Variants in PRKCH observed in about 807,000 individuals in gnomAD.
The protein encoded by PRKCH is protein kinase C eta type.
PRKCH carries 28 observed loss-of-function variants against 82.5 expected under a neutral mutation model. The observed-to-expected ratio is 0.34, with a 90% CI of 0.25 to 0.47. The LOEUF (loss-of-function observed/expected upper bound fraction) is 0.47, where lower values mean the gene tolerates loss of function less well. Ranked by LOEUF, PRKCH falls within the 20% of genes least tolerant of loss-of-function variation. The pLI is 1.00. For missense variants in PRKCH, 705 were observed against 881.8 expected (o/e 0.80, Z 2.54); for synonymous variants, 322 against 327.4 (o/e 0.98, Z 0.18).
intron 10 of PRKCH, among the ~76,000 whole-genome samples, chr14:61,495,036 G>C (rs913388581): frequency 2.6e-5 from 4 of 152,208 alleles, no homozygotes; most frequent in Non-Finnish European, 2.9e-5. Context: ...AGTTTCTAAT[G>C]TTTAGGGGAA....
chr14:61,303,510 G>T (rs762994393), intron 1 of PRKCH: 1 of 152,098 alleles, frequency 6.6e-6, no homozygotes, highest in Non-Finnish European at 1.5e-5. Context: ...TCAATACCAG[G>T]TTTCTTAGAT....
chr14:61,528,848 C>T lies in PRKCH; in HGVS notation c.1434-227C>T, dbSNP rs193281054. Reference sequence around the variant, plus strand: ...CTGTGGTCAGCCCATTCTTAATGGGCGCATCATCTTGGAGCCATGAGGCAA... The same window carrying T: ...CTGTGGTCAGCCCATTCTTAATGGGTGCATCATCTTGGAGCCATGAGGCAA... On this transcript the variant is annotated intron_variant, in intron 10 of 13. Coordinates refer to ENST00000332981, the MANE Select transcript of PRKCH (RefSeq NM_006255.5). The T allele has an allele frequency of 9.2e-4, 330 of 359,318 alleles. 2 individuals carry two copies. Among genetic ancestry groups the T allele is most frequent in the African/African-American group, 6.5e-3 (306 of 47,100 alleles). 22.3% of individuals were successfully genotyped at this position (359,318 alleles called of 1,614,324 possible).
At chr14:61,191,641 G>A (rs2044407312) in intron 1 of PRKCH, among the ~76,000 whole-genome samples, 1 of 148,368 alleles carries the variant, frequency 6.7e-6, no homozygotes, top group African/African-American at 2.5e-5. Flanking sequence ...CCACTGCACT[G>A]CAGCCCTGTC....
intron 2 of PRKCH, among the ~76,000 whole-genome samples, chr14:61,414,223 G>C (rs1258585017): frequency 6.6e-6 from 1 of 151,632 alleles, no homozygotes; most frequent in East Asian, 1.9e-4. Flanking sequence ...CTGAGTTCCA[G>C]CTTCCTGTGT....
chr14:61,367,005 G>C (rs1298396770), intron 1 of PRKCH, among the ~76,000 whole-genome samples: 4 of 152,012 alleles, frequency 2.6e-5, no homozygotes, highest in Admixed American at 2.6e-4. Flanking sequence ...TCGATGAGTA[G>C]GAAAGTCTGT....
intron 10 of PRKCH, among the ~76,000 whole-genome samples, chr14:61,520,972 A>G (rs1797482499): frequency 1.3e-5 from 2 of 152,376 alleles, no homozygotes; most frequent in African/African-American, 4.8e-5. Flanking sequence ...AATTTAAAAC[A>G]ACCCAAATGT....
intron 1 of PRKCH, among the ~76,000 whole-genome samples, chr14:61,292,301 C>A (rs2045370118): frequency 6.7e-6 from 1 of 149,126 alleles, no homozygotes; most frequent in Admixed American, 6.7e-5. Flanking sequence ...CCTAGGAAAC[C>A]CTGTCTCTAC....
intron 1 of PRKCH, among the ~76,000 whole-genome samples, chr14:61,376,876 T>A (rs2046434076): frequency 6.6e-6 from 1 of 152,262 alleles, no homozygotes; most frequent in Non-Finnish European, 1.5e-5. Flanking sequence ...AGATACAATT[T>A]AATTAAACCA....
chr14:61,460,037 G>A (rs1472963491), intron 9 of PRKCH, among the ~76,000 whole-genome samples: 5 of 152,064 alleles, frequency 3.3e-5, no homozygotes, highest in African/African-American at 9.7e-5. Context: ...TGTAGAGATG[G>A]GGTTTTGCCA....
chr14:61,290,307 A>T (rs983722361), intron 1 of PRKCH, among the ~76,000 whole-genome samples: 1 of 152,246 alleles, frequency 6.6e-6, no homozygotes, highest in East Asian at 1.9e-4. Flanking sequence ...AAGAAAAAAA[A>T]AAAAGTAAGA....
chr14:61,291,984 G>A (rs138727350), intron 1 of PRKCH, among the ~76,000 whole-genome samples: 1 of 152,144 alleles, frequency 6.6e-6, no homozygotes, highest in African/African-American at 2.4e-5. Flanking sequence ...CTTTAATAAT[G>A]ATCAGTGGTG....
chr14:61,223,463 C>T (rs1210435690), intron 1 of PRKCH, among the ~76,000 whole-genome samples: 6 of 152,294 alleles, frequency 3.9e-5, no homozygotes, highest in Middle Eastern at 3.4e-3. Flanking sequence ...GAGCCCAGCA[C>T]AATTTCCACT....
chr14:61,270,733 G>C (rs977613834), intron 1 of PRKCH, among the ~76,000 whole-genome samples: 4 of 152,202 alleles, frequency 2.6e-5, no homozygotes, highest in African/African-American at 9.7e-5. Flanking sequence ...AGCACGTAGT[G>C]AGACTGAGGA....
chr14:61,319,886 T>C (rs10873140), upstream of PRKCH, among the ~76,000 whole-genome samples: 144,691 of 152,130 alleles, frequency 0.95, 69,187 homozygotes, highest in East Asian at 1. Flanking sequence ...GACAGGCCCT[T>C]TCCCCCCTGG....
chr14:61,235,779 C>T (rs2044782499), intron 1 of PRKCH, among the ~76,000 whole-genome samples: 1 of 152,172 alleles, frequency 6.6e-6, no homozygotes, highest in African/African-American at 2.4e-5. Context: ...AATCGGGCAG[C>T]CCCAGAATGA....
rs80203190 is a variant in PRKCH, at chr14:61,383,370, T to G, written c.364-7855T>G. On this transcript the variant is annotated intron_variant, in intron 1 of 13. Coordinates refer to ENST00000332981, the MANE Select transcript of PRKCH (RefSeq NM_006255.5). Reference sequence around the variant, plus strand: ...CTTGGTTCAAGGAACTCTGCGAGGCTCCTTGGGAACATAATGTCAGATCCT... The same window carrying G: ...CTTGGTTCAAGGAACTCTGCGAGGCGCCTTGGGAACATAATGTCAGATCCT... Among the ~76,000 whole-genome samples the G allele has an allele frequency of 8.5e-4, 130 of 152,320 alleles. 1 individual carries two copies. In the East Asian group the frequency reaches 0.024, roughly 28 times the overall value.
At chr14:61,278,262 A>G (rs1371203832) in intron 1 of PRKCH, 2 of 152,242 alleles carry the variant, frequency 1.3e-5, no homozygotes, top group African/African-American at 2.4e-5. Context: ...TATACATATA[A>G]TGATCATGTT....
intron 2 of PRKCH, among the ~76,000 whole-genome samples, chr14:61,403,545 C>G (rs1881777746): frequency 6.6e-6 from 1 of 152,156 alleles, no homozygotes; most frequent in African/African-American, 2.4e-5. Flanking sequence ...GAAGTGACAC[C>G]AAAACAACTC....
chr14:61,304,918 A>G (rs1435900489), intron 1 of PRKCH: 3 of 151,716 alleles, frequency 2.0e-5, no homozygotes, highest in Non-Finnish European at 4.4e-5. Context: ...TAAGAAGTCA[A>G]CTGTGATTCA....
Sources: gnomAD v4.1 joint callset for allele counts (sites outside exome capture counted in the v4.1 genomes callset) on GRCh38, gnomAD v4.1.1 for gene constraint, MANE v1.5 for transcripts, NCBI Gene and HGNC (gene_info 2026-07-23, HGNC 2026-07-21) for gene names.